The following FBXO42 variants were observed in gnomAD, a reference collection of about 807,000 sequenced individuals.
FBXO42 encodes F-box only protein 42.
In FBXO42, 12 loss-of-function variants were observed where a neutral mutation model predicts 71.7. The observed-to-expected ratio is 0.17, with a 90% CI of 0.11 to 0.27. The LOEUF (loss-of-function observed/expected upper bound fraction) is 0.27, where lower values mean the gene tolerates loss of function less well. Ranked by LOEUF, FBXO42 falls within the 10% of genes least tolerant of loss-of-function variation. The probability of loss-of-function intolerance (pLI) is 1.00; values close to 1 mark genes in which losing one functional copy is unlikely to be tolerated. For missense variants in FBXO42, 707 were observed against 911.9 expected (o/e 0.78, Z 2.89); for synonymous variants, 325 against 327.5 (o/e 0.99, Z 0.08).
chr1:16,255,632 TC>T, intron 6 of FBXO42, 78 bp downstream of exon 6: 1 of 1,201,312 alleles, frequency 8.3e-7, no homozygotes. Flanking sequence ...AGGCACCTGG[TC>T]CCTAATTCAC....
chr1:16,332,871 T>A (rs1367034405), intron 1 of FBXO42, among the ~76,000 whole-genome samples: 1 of 152,148 alleles, frequency 6.6e-6, no homozygotes, highest in Non-Finnish European at 1.5e-5. Flanking sequence ...ATAAAATGAA[T>A]AAAATTATCA....
intron 4 of FBXO42, among the ~76,000 whole-genome samples, chr1:16,281,517 T>G (rs1262392892): frequency 6.7e-6 from 1 of 150,320 alleles, no homozygotes; most frequent in Non-Finnish European, 1.5e-5. Flanking sequence ...TCACCCAGGA[T>G]GTAGTGCAGT....
At chr1:16,319,286 C>T (rs2082394284) in intron 1 of FBXO42, among the ~76,000 whole-genome samples, 2 of 152,178 alleles carry the variant, frequency 1.3e-5, no homozygotes, top group African/African-American at 4.8e-5. Flanking sequence ...TCTACCACTG[C>T]AGTAATTCAT....
At chr1:16,318,654 T>C (rs961973378) in intron 1 of FBXO42, among the ~76,000 whole-genome samples, 16 of 152,150 alleles carry the variant, frequency 1.1e-4, no homozygotes, top group African/African-American at 3.9e-4. Flanking sequence ...AAGAACTGTG[T>C]TGCAGATTAG....
chr1:16,256,885 G>C, intron 4 of FBXO42, 126 bp from the exon 5 acceptor site: 1 of 860,098 alleles, frequency 1.2e-6, no homozygotes, highest in Non-Finnish European at 1.7e-6. Context: ...AAAGTGTAGA[G>C]GAAAGGTGGA....
At chr1:16,277,010 G>A (rs1202624164) in intron 4 of FBXO42, among the ~76,000 whole-genome samples, 2 of 152,176 alleles carry the variant, frequency 1.3e-5, no homozygotes, top group Admixed American at 6.5e-5. Flanking sequence ...TCAACATGGA[G>A]GAGAAATAGC....
At chr1:16,346,044 G>A (rs920262681) in intron 1 of FBXO42, among the ~76,000 whole-genome samples, 6 of 152,248 alleles carry the variant, frequency 3.9e-5, no homozygotes, top group African/African-American at 1.4e-4. Flanking sequence ...TTCAGGGTCA[G>A]AACGACTAAT....
intron 1 of FBXO42, among the ~76,000 whole-genome samples, chr1:16,347,808 T>G (rs2082664644): frequency 6.6e-6 from 1 of 151,754 alleles, no homozygotes; most frequent in Non-Finnish European, 1.5e-5. Context: ...GCTAACACAG[T>G]GAAACCCTGT....
chr1:16,349,810 C>T (rs1294233011), intron 1 of FBXO42, among the ~76,000 whole-genome samples: 3 of 152,090 alleles, frequency 2.0e-5, no homozygotes, highest in Admixed American at 6.6e-5. Flanking sequence ...TGCAGTGAGC[C>T]GAGATCATTG....
intron 3 of FBXO42, among the ~76,000 whole-genome samples, chr1:16,298,207 T>C (rs1004355105): frequency 4.6e-5 from 7 of 151,986 alleles, no homozygotes; most frequent in African/African-American, 7.2e-5. Flanking sequence ...GCCTGGGCGA[T>C]AGAGCAAGAC....
At chr1:16,278,318 T>C (rs1557580975) in intron 4 of FBXO42, among the ~76,000 whole-genome samples, 1 of 151,276 alleles carries the variant, frequency 6.6e-6, no homozygotes, top group East Asian at 1.9e-4. Flanking sequence ...GATCACGCCA[T>C]TGCACTCCAG....
intron 1 of FBXO42, among the ~76,000 whole-genome samples, chr1:16,349,140 C>T (rs2082677798): frequency 6.6e-6 from 1 of 152,096 alleles, no homozygotes; most frequent in South Asian, 2.1e-4. Flanking sequence ...GGGAAAAGAA[C>T]CCATGACAGA....
intron 4 of FBXO42, among the ~76,000 whole-genome samples, chr1:16,276,164 G>A (rs1250410792): frequency 1.3e-5 from 2 of 151,788 alleles, no homozygotes; most frequent in South Asian, 2.1e-4. Flanking sequence ...GGTGGATCAC[G>A]AGGTCAGGAG....
intron 3 of FBXO42, among the ~76,000 whole-genome samples, chr1:16,304,628 C>T (rs111571231): frequency 0.019 from 2,954 of 152,134 alleles, 79 homozygotes; most frequent in African/African-American, 0.068. Flanking sequence ...ATGTTTAAAA[C>T]GCTAAGCATA....
rs1269249303 is a variant in FBXO42, at chr1:16,325,987, G to A, written c.-17-10552C>T. On this transcript the variant is annotated intron_variant, in intron 1 of 9. Coordinates refer to ENST00000375592, the MANE Select transcript of FBXO42 (RefSeq NM_018994.3). ...AGCAAAATGCTTTATTTGGTAGAAAGGTAAAATGGAACTTCAGTGCCCAAA... is the reference window on the plus strand; with the variant it reads ...AGCAAAATGCTTTATTTGGTAGAAAAGTAAAATGGAACTTCAGTGCCCAAA... 2.2e-5 allele frequency among the ~76,000 whole-genome samples: 3 copies of A among 137,582 alleles called. No homozygotes were observed. The East Asian group carries it at 6.8e-4, about 31-fold the overall frequency. 90.3% of individuals were successfully genotyped at this position (137,582 alleles called of 152,430 possible).
chr1:16,267,951 A>G (rs576902419), intron 4 of FBXO42, among the ~76,000 whole-genome samples: 1 of 152,226 alleles, frequency 6.6e-6, no homozygotes, highest in African/African-American at 2.4e-5. Flanking sequence ...AACCATATGA[A>G]AGACCACTTG....
At chr1:16,287,660 C>G (rs887381850) in intron 4 of FBXO42, among the ~76,000 whole-genome samples, 1 of 152,144 alleles carries the variant, frequency 6.6e-6, no homozygotes, top group African/African-American at 2.4e-5. Flanking sequence ...CTCAAGCCAT[C>G]CTGGCCTCAG....
chr1:16,305,587 G>T (rs573094949), intron 3 of FBXO42, among the ~76,000 whole-genome samples: 3 of 152,026 alleles, frequency 2.0e-5, no homozygotes, highest in Admixed American at 1.3e-4. Context: ...GATGGGGCAC[G>T]CCTGTAGTCC....
chr1:16,297,235 C>A (rs933956903), intron 3 of FBXO42, among the ~76,000 whole-genome samples: 1 of 152,028 alleles, frequency 6.6e-6, no homozygotes, highest in Non-Finnish European at 1.5e-5. Context: ...AGAGCCAATG[C>A]GCCCAGCCCC....
Sources: gnomAD v4.1 joint callset for allele counts (sites outside exome capture counted in the v4.1 genomes callset) on GRCh38, gnomAD v4.1.1 for gene constraint, MANE v1.5 for transcripts, NCBI Gene and HGNC (gene_info 2026-07-23, HGNC 2026-07-21) for gene names.